The following ARHGAP8 variants were observed in gnomAD, a reference collection of about 807,000 sequenced individuals.
The protein encoded by ARHGAP8 is Rho GTPase activating protein 8.
ARHGAP8 carries 62 observed loss-of-function variants against 46.1 expected under a neutral mutation model. The observed-to-expected ratio is 1.34, with a 90% CI of 1.10 to 1.66. ARHGAP8 has a LOEUF of 1.66. Among genes scored for constraint, ARHGAP8 ranks in the 40% most tolerant of loss-of-function variants. The pLI is 0.00. For missense variants in ARHGAP8, 923 were observed against 568.4 expected, an observed-to-expected ratio of 1.62 and a Z score of -6.34; for synonymous variants, 375 against 243.1, an observed-to-expected ratio of 1.54 and a Z score of -5.05.
At chr22:44,829,184 G>C (rs187694025) in intron 7 of ARHGAP8, among the ~76,000 whole-genome samples, 1 of 148,588 alleles carries the variant, frequency 6.7e-6, no homozygotes, top group Non-Finnish European at 1.5e-5. Context: ...CCAGCTACTC[G>C]GGAGCCTGAG....
chr22:44,825,378 A>T, intron 6 of ARHGAP8, 105 bp from the exon 7 acceptor site: 1 of 1,217,674 alleles, frequency 8.2e-7, no homozygotes, highest in Non-Finnish European at 1.1e-6. Context: ...CAGAGGGATG[A>T]GATGCCCAGG....
intron 1 of ARHGAP8, among the ~76,000 whole-genome samples, chr22:44,781,292 C>G (rs1453832422): frequency 2.0e-5 from 3 of 152,136 alleles, no homozygotes; most frequent in Non-Finnish European, 1.5e-5. Context: ...CTGGTTTACT[C>G]TCCTTACTGC....
intron 2 of ARHGAP8, among the ~76,000 whole-genome samples, chr22:44,787,316 C>T (rs1003905057): frequency 5.1e-5 from 7 of 136,680 alleles, no homozygotes; most frequent in East Asian, 2.1e-4. Flanking sequence ...AAACATCTTG[C>T]GTTGCTTTGT....
chr22:44,754,323 T>C (rs132438), intron 1 of ARHGAP8, among the ~76,000 whole-genome samples: 137,819 of 151,458 alleles, frequency 0.91, 62,835 homozygotes, highest in African/African-American at 0.96. Flanking sequence ...ATAACATCAT[T>C]GGGTCATTGA....
At position 44,859,727 on chromosome 22, in the gene ARHGAP8, C is replaced by G. The variant is rs749700761; in HGVS notation, c.878-4C>G. 7.4e-6 allele frequency: 12 copies of G among 1,613,228 alleles called. No homozygotes were observed. The highest frequency in any genetic ancestry group is 1.0e-5 in the Non-Finnish European group (12 of 1,180,014). On this transcript the variant is annotated splice_polypyrimidine_tract_variant and splice_region_variant and intron_variant, in intron 10 of 11. Transcript: ENST00000356099. Reference sequence around the variant, plus strand: ...GCTCAGCAGGGAGCCCCATGCCCTTCCAGGTGTGGAGAGCAGCCTGCGTGT... The same window carrying G: ...GCTCAGCAGGGAGCCCCATGCCCTTGCAGGTGTGGAGAGCAGCCTGCGTGT...
At chr22:44,859,237 T>C (rs895724525) in intron 10 of ARHGAP8, among the ~76,000 whole-genome samples, 2 of 152,180 alleles carry the variant, frequency 1.3e-5, no homozygotes, top group Non-Finnish European at 2.9e-5. Context: ...ATTGAAACTT[T>C]GGAGGTGGGG....
chr22:44,842,769 C>T (rs1004374945), intron 7 of ARHGAP8, among the ~76,000 whole-genome samples: 4 of 152,148 alleles, frequency 2.6e-5, no homozygotes, highest in Admixed American at 1.3e-4. Flanking sequence ...TTGGCAGGGC[C>T]TGGGGGACGC....
chr22:44,860,001 G>A (rs1477882454), intron 11 of ARHGAP8, among the ~76,000 whole-genome samples, 167 bp downstream of exon 11: 1 of 134,844 alleles, frequency 7.4e-6, no homozygotes, highest in Admixed American at 8.2e-5. Context: ...GCCTGGTCAG[G>A]CACCCATGCT....
In ARHGAP8 at chr22:44,808,210, C is replaced by A; in HGVS notation, c.168-97C>A. The A allele has an allele frequency of 7.8e-6, 12 of 1,534,938 alleles. No homozygotes were observed. In the South Asian group the frequency reaches 1.5e-4, roughly 20 times the overall value. ...TCTCCATGTGGCCCGGTGCTGGCAC[C>A]TACTGGGTGACCATAGCTTCCATTA... On this transcript the variant is annotated intron_variant, in intron 3 of 11. Coordinates refer to ENST00000356099, the MANE Select transcript of ARHGAP8 (RefSeq NM_181335.3).
intron 2 of ARHGAP8, among the ~76,000 whole-genome samples, chr22:44,800,315 A>T (rs1223203597): frequency 6.6e-6 from 1 of 152,026 alleles, no homozygotes; most frequent in Non-Finnish European, 1.5e-5. Context: ...CATGCTGGCC[A>T]GGCTGGTCTC....
At chr22:44,853,951 C>A (rs375629050) in intron 10 of ARHGAP8, among the ~76,000 whole-genome samples, 1 of 140,782 alleles carries the variant, frequency 7.1e-6, no homozygotes, top group Admixed American at 7.8e-5. Context: ...CGCTTGAACC[C>A]GGGAGGCAGA....
intron 10 of ARHGAP8, among the ~76,000 whole-genome samples, chr22:44,858,591 G>C (rs6007339): frequency 7.9e-5 from 11 of 139,104 alleles, no homozygotes; most frequent in African/African-American, 2.4e-4. Flanking sequence ...GGCTGGTCTC[G>C]CACTCCTGAC....
At chr22:44,825,782 C>CAT in intron 7 of ARHGAP8, among the ~76,000 whole-genome samples, 189 bp downstream of exon 7, 1 of 143,770 alleles carries the variant, frequency 7.0e-6, no homozygotes, top group Non-Finnish European at 1.5e-5. Flanking sequence ...TGGGGGGGCG[C>CAT]GTGCTCGCTG....
Position 44,825,508 on chromosome 22 carries a change from C to T in ARHGAP8, c.511C>T (p.His171Tyr). Residue 171 changes from histidine (H) to tyrosine (Y), a missense_variant, in exon 7 of 12, where the codon CAC becomes TAC. His to Tyr is a moderately conservative substitution (Grantham distance 83). Coordinates refer to ENST00000356099, the MANE Select transcript of ARHGAP8 (RefSeq NM_181335.3). Reference sequence around the variant, plus strand: ...GTACGATGAGAAGCTCCAGAGCCTGCACGAGGGCCGGACGCCGCCTCCCAC... The same window carrying T: ...GTACGATGAGAAGCTCCAGAGCCTGTACGAGGGCCGGACGCCGCCTCCCAC... Reference protein sequence around the residue: ...LRYDEKLQSLHEGRTPPPTKT... With the variant: ...LRYDEKLQSLYEGRTPPPTKT... 1.2e-6 allele frequency: 2 copies of T among 1,613,488 alleles called. No homozygotes were observed. Among genetic ancestry groups the T allele is most frequent in the Admixed American group, 1.7e-5 (1 of 59,982 alleles).
rs2069998031 is a variant in ARHGAP8 at position 44,847,957 on chromosome 22, A to G, written c.671-16A>G. On this transcript the variant is annotated splice_polypyrimidine_tract_variant and intron_variant, in intron 8 of 11. Coordinates refer to ENST00000356099, the MANE Select transcript of ARHGAP8 (RefSeq NM_181335.3). Reference sequence around the variant, plus strand: ...GGCTGGGACCTGTGAGATGCCTGGAAGCTCCTCTCCTGCAGGCCTGCGCAC... The same window carrying G: ...GGCTGGGACCTGTGAGATGCCTGGAGGCTCCTCTCCTGCAGGCCTGCGCAC... 6.2e-7 allele frequency: 1 copy of G among 1,605,906 alleles called. No individual in the cohort carries two copies. The highest frequency in any genetic ancestry group is 8.5e-7 in the Non-Finnish European group (1 of 1,179,580).
At chr22:44,857,675 G>C (rs1342181227) in intron 10 of ARHGAP8, among the ~76,000 whole-genome samples, 3 of 152,152 alleles carry the variant, frequency 2.0e-5, no homozygotes, top group African/African-American at 7.2e-5. Flanking sequence ...TATAGGGAAG[G>C]CGCCTCTCAT....
chr22:44,821,328 C>T (rs1302919754), intron 5 of ARHGAP8, among the ~76,000 whole-genome samples: 2 of 151,922 alleles, frequency 1.3e-5, no homozygotes, highest in Non-Finnish European at 2.9e-5. Context: ...ACTTGGGAGG[C>T]TGAGGCAGGA....
chr22:44,822,625 A>G (rs973119778), intron 6 of ARHGAP8, among the ~76,000 whole-genome samples, 156 bp downstream of exon 6: 1 of 152,194 alleles, frequency 6.6e-6, no homozygotes, highest in Non-Finnish European at 1.5e-5. Context: ...ATCCGCAGCA[A>G]AAGGTGCTAA....
rs550931421 is a variant in ARHGAP8, at chr22:44,767,339, T to C, written c.-72+14712T>C. On this transcript the variant is annotated intron_variant, in intron 1 of 11. Coordinates refer to ENST00000356099, the MANE Select transcript of ARHGAP8 (RefSeq NM_181335.3). ...TCATTTCGGATGCTCTTTCTCCCCCTCTCTCTCTCTCTTTTAGCTGAACTA... is the reference window on the plus strand; with the variant it reads ...TCATTTCGGATGCTCTTTCTCCCCCCCTCTCTCTCTCTTTTAGCTGAACTA... Among the ~76,000 whole-genome samples, 208 of 150,242 alleles carry C rather than the reference T, an allele frequency of 1.4e-3. 1 individual carries two copies. Among genetic ancestry groups the C allele is most frequent in the African/African-American group, 3.5e-3 (146 of 41,368 alleles).
Sources: gnomAD v4.1 joint callset for allele counts (sites outside exome capture counted in the v4.1 genomes callset) on GRCh38, gnomAD v4.1.1 for gene constraint, MANE v1.5 for transcripts, NCBI Gene and HGNC (gene_info 2026-07-23, HGNC 2026-07-21) for gene names.